The following PCNX1 variants were observed in gnomAD, a reference collection of about 807,000 sequenced individuals.
PCNX1 encodes pecanex 1, also known as pecanex-like protein 1.
A neutral mutation model predicts 242.2 loss-of-function variants in PCNX1; 78 were observed. The ratio of observed to expected loss-of-function variants is 0.32; its 90% confidence interval spans 0.27 to 0.39. The LOEUF (loss-of-function observed/expected upper bound fraction) is 0.39, where lower values mean the gene tolerates loss of function less well. PCNX1 is among the 10% of genes least tolerant of loss of function. The probability of loss-of-function intolerance (pLI) is 1.00; values close to 1 mark genes in which losing one functional copy is unlikely to be tolerated. For missense variants in PCNX1, 2,581 were observed against 2,856.5 expected, an observed-to-expected ratio of 0.90 and a Z score of 2.20; for synonymous variants, 1,024 against 1,032.9, an observed-to-expected ratio of 0.99 and a Z score of 0.17.
At chr14:70,962,898 T>C (rs747034668) in intron 3 of PCNX1, among the ~76,000 whole-genome samples, 1 of 152,228 alleles carries the variant, frequency 6.6e-6, no homozygotes, top group Non-Finnish European at 1.5e-5. Context: ...AAGCCCCAGT[T>C]ACTCCTGCTG....
At chr14:70,928,530 G>A (rs2056673035) in intron 1 of PCNX1, among the ~76,000 whole-genome samples, 1 of 152,170 alleles carries the variant, frequency 6.6e-6, no homozygotes, top group Non-Finnish European at 1.5e-5. Flanking sequence ...AAATAAAAGA[G>A]TGATTTATAC....
chr14:71,028,830 A>AT, intron 16 of PCNX1, 39 bp downstream of exon 16: 1 of 1,186,814 alleles, frequency 8.4e-7, no homozygotes, highest in Non-Finnish European at 1.2e-6. Flanking sequence ...CTTTAAGGCT[A>AT]TATTTCTATA....
At chr14:70,957,298 A>G (rs1040847872) in intron 2 of PCNX1, among the ~76,000 whole-genome samples, 2 of 152,104 alleles carry the variant, frequency 1.3e-5, no homozygotes, top group African/African-American at 4.8e-5. Context: ...GTTTTTATGT[A>G]TTATTAATAA....
intron 25 of PCNX1, among the ~76,000 whole-genome samples, chr14:71,056,003 G>A (rs2061173475): frequency 6.6e-6 from 1 of 152,100 alleles, no homozygotes; most frequent in Admixed American, 6.5e-5. Flanking sequence ...GGAGCATATA[G>A]CCAGTCAGGA....
chr14:70,950,926 T>G (rs1476497484), intron 2 of PCNX1, among the ~76,000 whole-genome samples: 1 of 152,074 alleles, frequency 6.6e-6, no homozygotes, highest in East Asian at 1.9e-4. Context: ...TCCTGTAATT[T>G]ATTTTTCTGT....
intron 8 of PCNX1, among the ~76,000 whole-genome samples, chr14:71,003,493 G>A (rs1276645446): frequency 6.6e-6 from 1 of 152,070 alleles, no homozygotes; most frequent in Non-Finnish European, 1.5e-5. Flanking sequence ...CCATTCTGTG[G>A]CTTGTCTTTT....
At chr14:71,106,774 T>A (rs2062634306) in intron 33 of PCNX1, among the ~76,000 whole-genome samples, 1 of 152,158 alleles carries the variant, frequency 6.6e-6, no homozygotes, top group South Asian at 2.1e-4. Flanking sequence ...AGTTACATCT[T>A]TTGCCTATTT....
In PCNX1 at chr14:71,006,672, A is replaced by G. The variant is rs372209149; in HGVS notation, c.2630-2962A>G. ...GTTTTAATCTCAAAAGAAATAGTAA[A>G]ATTGCTGTGTATGCCAAGAAAACTT... On this transcript the variant is annotated intron_variant, in intron 8 of 35. Transcript: ENST00000304743. 3.5e-3 allele frequency among the ~76,000 whole-genome samples: 540 copies of G among 152,330 alleles called. 1 individual carries two copies. The highest frequency in any genetic ancestry group is 0.013 in the African/African-American group (524 of 41,576).
At chr14:71,026,017 A>G in intron 13 of PCNX1, 100 bp from the exon 14 acceptor site, 1 of 627,218 alleles carries the variant, frequency 1.6e-6, no homozygotes, top group Non-Finnish European at 2.5e-6. Flanking sequence ...TTCCATATGG[A>G]AAAAGTTTGA....
rs1017357844 is a variant in PCNX1, at chr14:71,102,189, A to G, written c.5789A>G (p.Asn1930Ser). ...AATGAATATAAAATCATCATGCTCA[A>G]CAGACGCTACCTGAGCTTCAGGGTC... Reference protein sequence around the residue: ...GTNEYKIIMLNRRYLSFRVIK... With the variant: ...GTNEYKIIMLSRRYLSFRVIK... The change falls in exon 31 of 36, where the codon AAC (asparagine) becomes AGC (serine). Residue 1930 changes from asparagine (N) to serine (S), a missense_variant. By Grantham distance (46) the Asn-to-Ser change is conservative. Coordinates refer to ENST00000304743, the MANE Select transcript of PCNX1 (RefSeq NM_014982.3). 4.3e-6 allele frequency: 7 copies of G among 1,613,310 alleles called. No homozygotes were observed. Among genetic ancestry groups the G allele is most frequent in the African/African-American group, 1.3e-5 (1 of 75,030 alleles).
At chr14:70,946,771 G>A (rs568807194) in intron 1 of PCNX1, 144 bp from the exon 2 acceptor site, 2 of 623,264 alleles carry the variant, frequency 3.2e-6, no homozygotes, top group East Asian at 5.6e-5. Flanking sequence ...GGGCATTGAA[G>A]CTGCTAAGTT....
intron 13 of PCNX1, among the ~76,000 whole-genome samples, chr14:71,023,873 A>G (rs140438055): frequency 6.6e-6 from 1 of 152,272 alleles, no homozygotes; most frequent in African/African-American, 2.4e-5. Flanking sequence ...AATTTTTTTA[A>G]TCCTTTCACT....
intron 1 of PCNX1, among the ~76,000 whole-genome samples, chr14:70,924,251 AAAAAG>A (rs1566572523): frequency 2.0e-5 from 3 of 147,314 alleles, no homozygotes; most frequent in African/African-American, 2.5e-5. Flanking sequence ...AAAAAAAAAG[AAAAAG>A]AAAAAACAGA....
chr14:71,090,909 C>G (rs2062111447), intron 30 of PCNX1, among the ~76,000 whole-genome samples: 1 of 152,222 alleles, frequency 6.6e-6, no homozygotes, highest in African/African-American at 2.4e-5. Context: ...TTGCCTGTTG[C>G]TGCCAGGTCT....
At chr14:70,934,462 T>G (rs1244649593) in intron 1 of PCNX1, among the ~76,000 whole-genome samples, 1 of 152,230 alleles carries the variant, frequency 6.6e-6, no homozygotes, top group Admixed American at 6.5e-5. Context: ...AAATTTTTGT[T>G]TCAGAGACAG....
rs374506068 is a variant in PCNX1 at position 71,109,571 on chromosome 14, G to A, written c.6864G>A (p.Pro2288=). The A allele has an allele frequency of 1.3e-5, 21 of 1,614,028 alleles. No homozygotes were observed. The highest frequency in any genetic ancestry group is 5.3e-5 in the African/African-American group (4 of 74,926). Residue 2288 remains proline, a synonymous_variant, in exon 35 of 36, where the codon CCG becomes CCA. Transcript: ENST00000304743. ...AGRNSWKDWS[P]QEGMEGHVIH... is the part of the protein sequence containing the mutation. ...GAAATAGCTGGAAAGACTGGAGTCC[G>A]CAGGAGGGCATGGAAGGCCATGTAA...
At chr14:71,015,946 A>G (rs2059952219) in intron 11 of PCNX1, among the ~76,000 whole-genome samples, 1 of 152,202 alleles carries the variant, frequency 6.6e-6, no homozygotes. Flanking sequence ...TGATCTCAGC[A>G]CTTTGGGAGT....
At chr14:70,994,270 T>C (rs1377985735) in intron 7 of PCNX1, among the ~76,000 whole-genome samples, 1 of 151,866 alleles carries the variant, frequency 6.6e-6, no homozygotes, top group African/African-American at 2.4e-5. Context: ...GTATGTTATG[T>C]AGTTACTGAG....
intron 8 of PCNX1, among the ~76,000 whole-genome samples, chr14:71,005,820 T>A (rs1216447383): frequency 6.6e-6 from 1 of 152,182 alleles, no homozygotes; most frequent in East Asian, 1.9e-4. Flanking sequence ...TTTGAAATAT[T>A]ACTTCAAAAG....
Sources: gnomAD v4.1 joint callset for allele counts (sites outside exome capture counted in the v4.1 genomes callset) on GRCh38, gnomAD v4.1.1 for gene constraint, MANE v1.5 for transcripts, NCBI Gene and HGNC (gene_info 2026-07-23, HGNC 2026-07-21) for gene names.